Variants in MED13L observed in about 807,000 individuals in gnomAD.
MED13L encodes mediator complex subunit 13L.
A neutral mutation model predicts 220.9 loss-of-function variants in MED13L; 7 were observed. The ratio of observed to expected loss-of-function variants is 0.03; its 90% CI spans 0.02 to 0.06. MED13L has a LOEUF of 0.06. Ranked by LOEUF, MED13L falls within the 10% of genes least tolerant of loss-of-function variation. MED13L has a pLI of 1.00. For missense variants in MED13L, 1,965 were observed against 2,760.5 expected, an observed-to-expected ratio of 0.71 and a Z score of 6.46; for synonymous variants, 1,011 against 1,015.2, an observed-to-expected ratio of 1.00 and a Z score of 0.08.
At chr12:116,096,206 T>C (rs1872619149) in intron 4 of MED13L, among the ~76,000 whole-genome samples, 1 of 151,050 alleles carries the variant, frequency 6.6e-6, no homozygotes, top group Non-Finnish European at 1.5e-5. Flanking sequence ...ATACAAAAAA[T>C]TAGCCAGGTG....
At chr12:116,169,697 T>C (rs1879534935) in intron 2 of MED13L, among the ~76,000 whole-genome samples, 1 of 152,160 alleles carries the variant, frequency 6.6e-6, no homozygotes, top group African/African-American at 2.4e-5. Flanking sequence ...TGCTAAAAGG[T>C]TAGTTGAAGT....
chr12:116,046,851 T>C (rs571242613), intron 4 of MED13L, among the ~76,000 whole-genome samples: 9 of 152,260 alleles, frequency 5.9e-5, no homozygotes, highest in Admixed American at 5.9e-4. Context: ...TGGGTGCCTG[T>C]AGTCCCAGCT....
intron 2 of MED13L, among the ~76,000 whole-genome samples, chr12:116,219,263 G>A (rs1303533892): frequency 3.9e-5 from 6 of 152,002 alleles, no homozygotes; most frequent in Admixed American, 1.3e-4. Flanking sequence ...AGGAATACTC[G>A]TAAACATAAA....
intron 2 of MED13L, among the ~76,000 whole-genome samples, chr12:116,132,718 G>A (rs575432357): frequency 3.3e-5 from 5 of 152,178 alleles, no homozygotes; most frequent in South Asian, 2.1e-4. Flanking sequence ...TCAGGAGTTC[G>A]AGACCAGACT....
intron 2 of MED13L, among the ~76,000 whole-genome samples, chr12:116,139,063 G>C (rs1032955463): frequency 3.9e-5 from 6 of 152,112 alleles, no homozygotes; most frequent in African/African-American, 1.2e-4. Context: ...TAATAAAAGT[G>C]GTCAAGAAGA....
At chr12:116,144,975 G>A (rs1034952216) in intron 2 of MED13L, among the ~76,000 whole-genome samples, 2 of 152,156 alleles carry the variant, frequency 1.3e-5, no homozygotes, top group South Asian at 4.1e-4. Context: ...AGGTAATTAC[G>A]TGTATCTGTG....
chr12:116,237,426 AT>A (rs1230285661), intron 2 of MED13L, 41 bp downstream of exon 2: 30 of 1,456,884 alleles, frequency 2.1e-5, no homozygotes, highest in African/African-American at 2.8e-5. Flanking sequence ...GTTCAAAAAA[AT>A]ATGATGCAAA....
chr12:116,265,772 C>T (rs1872784128), intron 1 of MED13L, among the ~76,000 whole-genome samples: 1 of 152,108 alleles, frequency 6.6e-6, no homozygotes, highest in African/African-American at 2.4e-5. Flanking sequence ...AGCCAAGAAC[C>T]AGGACCATAA....
chr12:116,227,209 T>G (rs1822881213), intron 2 of MED13L, among the ~76,000 whole-genome samples: 2 of 152,212 alleles, frequency 1.3e-5, no homozygotes, highest in Non-Finnish European at 2.9e-5. Context: ...TTTCCCATTC[T>G]TTCGCTATTT....
intron 2 of MED13L, among the ~76,000 whole-genome samples, chr12:116,135,471 T>A (rs1876456603): frequency 6.6e-6 from 1 of 152,202 alleles, no homozygotes; most frequent in Non-Finnish European, 1.5e-5. Context: ...CTTTGCCAGC[T>A]GAAGGTCGAG....
chr12:115,997,749 T>C (rs960688079), intron 14 of MED13L, among the ~76,000 whole-genome samples: 34 of 152,184 alleles, frequency 2.2e-4, no homozygotes, highest in Non-Finnish European at 1.0e-4. Context: ...ACTAACTTCT[T>C]GATGCTTTAT....
At chr12:116,008,130 T>C in intron 10 of MED13L, 1 of 467,982 alleles carries the variant, frequency 2.1e-6, no homozygotes, top group Non-Finnish European at 3.7e-6. Context: ...ATTCTTTAAT[T>C]AACAAACAGT....
At chr12:116,022,434 G>A in intron 5 of MED13L, 22 bp downstream of exon 5, 1 of 1,613,238 alleles carries the variant, frequency 6.2e-7, no homozygotes, top group Non-Finnish European at 8.5e-7. Flanking sequence ...TAGGGGTGGA[G>A]AGCAGGAACA....
intron 2 of MED13L, among the ~76,000 whole-genome samples, chr12:116,164,511 T>C (rs1879108211): frequency 6.6e-6 from 1 of 152,208 alleles, no homozygotes; most frequent in African/African-American, 2.4e-5. Context: ...TGATGTGACA[T>C]GAGCTGCTAC....
At chr12:116,232,463 T>TTAA (rs1351254809) in intron 2 of MED13L, among the ~76,000 whole-genome samples, 2 of 152,210 alleles carry the variant, frequency 1.3e-5, no homozygotes, top group African/African-American at 2.4e-5. Context: ...ATAATATGCT[T>TTAA]TATTTTAACT....
chr12:116,129,409 G>A (rs973904702), intron 2 of MED13L, among the ~76,000 whole-genome samples: 1 of 151,966 alleles, frequency 6.6e-6, no homozygotes, highest in Non-Finnish European at 1.5e-5. Context: ...AAAAAGCAAG[G>A]CCCTTTTTAA....
At chr12:115,967,868 G>C (rs923385556) in intron 28 of MED13L, among the ~76,000 whole-genome samples, 1 of 152,098 alleles carries the variant, frequency 6.6e-6, no homozygotes, top group Non-Finnish European at 1.5e-5. Context: ...TCATTAACTG[G>C]TAAGTACTGC....
chr12:116,217,185 T>A (rs1309538460), intron 2 of MED13L, among the ~76,000 whole-genome samples: 1 of 152,178 alleles, frequency 6.6e-6, no homozygotes, highest in African/African-American at 2.4e-5. Flanking sequence ...CACATGAGCA[T>A]GACCAAGAGG....
chr12:116,245,674 A>G lies in MED13L; in HGVS notation c.73-7969T>C, dbSNP rs538105865. Among the ~76,000 whole-genome samples, 667 of 152,312 alleles carry G rather than the reference A, an allele frequency of 4.4e-3. 6 individuals are homozygous for G. The highest frequency in any genetic ancestry group is 0.015 in the African/African-American group (619 of 41,580). On this transcript the variant is annotated intron_variant, in intron 1 of 30. Coordinates refer to ENST00000281928, the MANE Select transcript of MED13L (RefSeq NM_015335.5). ...GGAAATTTTTAAATAATGATTCCAGAAATGATAAAACTTAGTAAAATGTTT... is the reference window on the plus strand; with the variant it reads ...GGAAATTTTTAAATAATGATTCCAGGAATGATAAAACTTAGTAAAATGTTT...
Sources: allele counts gnomAD v4.1 joint callset (sites outside exome capture counted in the v4.1 genomes callset), GRCh38; gene constraint gnomAD v4.1.1; transcripts MANE v1.5; gene names NCBI Gene and HGNC (gene_info 2026-07-23, HGNC 2026-07-21).